The following PDSS1 variants were observed in gnomAD, a reference collection of about 807,000 sequenced individuals.
PDSS1 encodes the protein all trans-polyprenyl-diphosphate synthase PDSS1.
A neutral mutation model predicts 57.5 loss-of-function variants in PDSS1; 43 were observed. The observed-to-expected ratio is 0.75, with a 90% confidence interval of 0.59 to 0.96. PDSS1 has a LOEUF of 0.96. Ranked by LOEUF, PDSS1 falls within the 50% of genes least tolerant of loss-of-function variation. PDSS1 has a pLI of 0.00. For synonymous variants in PDSS1, 175 were observed against 191.3 expected (o/e 0.91, Z 0.70); for missense variants, 438 against 527.8 (o/e 0.83, Z 1.67).
At chr10:26,736,021 A>G (rs1836385723) in intron 10 of PDSS1, among the ~76,000 whole-genome samples, 2 of 152,176 alleles carry the variant, frequency 1.3e-5, no homozygotes, top group Non-Finnish European at 2.9e-5. Flanking sequence ...AGCATAAGAA[A>G]TTCTCCGGTT....
chr10:26,740,341 C>A (rs1297307164), intron 10 of PDSS1, among the ~76,000 whole-genome samples: 1 of 152,004 alleles, frequency 6.6e-6, no homozygotes, highest in Non-Finnish European at 1.5e-5. Context: ...GGCTTTTTTA[C>A]CGTAGAAGTT....
intron 4 of PDSS1, among the ~76,000 whole-genome samples, chr10:26,707,210 C>T (rs539184658): frequency 6.6e-6 from 1 of 152,270 alleles, no homozygotes; most frequent in African/African-American, 2.4e-5. Context: ...ATACCAGTCC[C>T]AGTTTTCCTA....
intron 6 of PDSS1, among the ~76,000 whole-genome samples, chr10:26,721,423 TACACACAC>T (rs1554795596): frequency 1.3e-5 from 2 of 149,268 alleles, no homozygotes; most frequent in Non-Finnish European, 3.0e-5. Flanking sequence ...GATATATGTA[TACACACAC>T]ACACACACAC....
In PDSS1 at chr10:26,742,594, A is replaced by T. The variant is rs199894179; in HGVS notation, c.1107+17A>T. 8.5e-4 allele frequency: 1,270 copies of T among 1,494,672 alleles called. 2 individuals are homozygous for T. In the African/African-American group the frequency reaches 9.7e-3, roughly 11 times the overall value. The allele number at this position is 1,494,672 out of a possible 1,614,324, so 92.6% of individuals were successfully genotyped here. A position where few individuals can be genotyped will look rare whatever the true frequency, so the allele number is the denominator to read the frequency against. ...GTACTACAGGTAAGACTGTTTTTTT[A>T]AAAAAAAGGCAGCAGCAGGAACAAC... On this transcript the variant is annotated intron_variant, in intron 11 of 11. Coordinates refer to ENST00000376215, the MANE Select transcript of PDSS1 (RefSeq NM_014317.5).
rs1346212013 is a variant in PDSS1 at position 26,742,542 on chromosome 10, G to GGA, written c.1075_1076dup (p.Asp359GlufsTer3). 6.2e-7 allele frequency: 1 copy of GGA among 1,612,572 alleles called. No individual in the cohort carries two copies. The highest frequency in any genetic ancestry group is 2.2e-5 in the East Asian group (1 of 44,886). The stretch of plus-strand genomic sequence containing the variant: ...GATCATGCGACGGTTCAGTTTGCCT[G>GGA]GAGATGTAGACAGAGCTCGACAGTA... On this transcript the variant is annotated frameshift_variant, in exon 11 of 12. Coordinates refer to ENST00000376215, the MANE Select transcript of PDSS1 (RefSeq NM_014317.5). LOFTEE classifies it high-confidence loss of function.
chr10:26,709,142 G>T lies in PDSS1; in HGVS notation c.337-496G>T, dbSNP rs868609929. ...TTCAGGCCACTTGGGGCTGATCCAC[G>T]CATTGTTTATGTTCTAGCCTGCAGG... On this transcript the variant is annotated intron_variant, in intron 4 of 11. Coordinates refer to ENST00000376215, the MANE Select transcript of PDSS1 (RefSeq NM_014317.5). Among the ~76,000 whole-genome samples, 11 of 152,312 alleles carry T rather than the reference G, an allele frequency of 7.2e-5. No homozygotes were observed. The Middle Eastern group carries it at 0.01, about 141-fold the overall frequency.
At chr10:26,729,968 AGT>A (rs1257585797) in intron 8 of PDSS1, among the ~76,000 whole-genome samples, 2 of 128,856 alleles carry the variant, frequency 1.6e-5, no homozygotes, top group African/African-American at 5.9e-5. Flanking sequence ...GCCGGAGTGC[AGT>A]GGCACTATCT....
At chr10:26,733,046 C>G (rs1307646079) in intron 8 of PDSS1, among the ~76,000 whole-genome samples, 2 of 152,104 alleles carry the variant, frequency 1.3e-5, no homozygotes, top group Non-Finnish European at 2.9e-5. Context: ...CCAGATCGTG[C>G]CGCTGCACTC....
rs1231074655 is a variant in PDSS1 at position 26,709,768 on chromosome 10, G to C, written c.467G>C (p.Arg156Pro). 6.2e-7 allele frequency: 1 copy of C among 1,613,658 alleles called. No homozygotes were observed. Among genetic ancestry groups the C allele is most frequent in the African/African-American group, 1.3e-5 (1 of 74,864 alleles). ...TGCAATATTCATCATAACAACTCCC[G>C]GTGAGCTCTTTTTTTCATTCCTTTC... ...RACNIHHNNS[R>P]HVQASQRAIA... The change falls in exon 5 of 12, where the codon CGA becomes CCA. Residue 156 changes from arginine to proline, a missense_variant and splice_region_variant. By Grantham distance (103) the Arg-to-Pro change is moderately radical. Around this residue, in one of 2 missense-constraint regions of PDSS1, gnomAD observed 284 missense variants for 390.7 expected, o/e 0.73. Transcript: ENST00000376215.
At position 26,745,662 on chromosome 10, in the gene PDSS1, C is replaced by T. The variant is rs573260576; in HGVS notation, c.1108-671C>T. ...AGGAGTTCGAGACCAGCCTGGCCAA[C>T]ATGACAAAACCCCATCTCTACTAAA... On this transcript the variant is annotated intron_variant, in intron 11 of 11. Coordinates refer to ENST00000376215, the MANE Select transcript of PDSS1 (RefSeq NM_014317.5). Among the ~76,000 whole-genome samples the T allele has an allele frequency of 5.9e-5, 9 of 152,266 alleles. No individual in the cohort carries two copies. The South Asian group carries it at 1.9e-3, about 32-fold the overall frequency.
At chr10:26,722,821 G>A (rs1340889515) in intron 6 of PDSS1, among the ~76,000 whole-genome samples, 1 of 151,898 alleles carries the variant, frequency 6.6e-6, no homozygotes, top group Non-Finnish European at 1.5e-5. Flanking sequence ...ATAACTAGTT[G>A]CTAATACAGT....
At chr10:26,728,477 T>G (rs977026175) in intron 8 of PDSS1, among the ~76,000 whole-genome samples, 1 of 150,648 alleles carries the variant, frequency 6.6e-6, no homozygotes, top group Non-Finnish European at 1.5e-5. Flanking sequence ...GCAACAAGAG[T>G]GAAACTCCAT....
chr10:26,728,587 C>T (rs1386771134), intron 8 of PDSS1, among the ~76,000 whole-genome samples: 1 of 151,822 alleles, frequency 6.6e-6, no homozygotes, highest in East Asian at 1.9e-4. Context: ...AAATATTATT[C>T]TGATGGTTGT....
intron 6 of PDSS1, among the ~76,000 whole-genome samples, chr10:26,721,204 C>T (rs1443272495): frequency 6.6e-6 from 1 of 151,314 alleles, no homozygotes; most frequent in Non-Finnish European, 1.5e-5. Flanking sequence ...GAGGCTTAGG[C>T]AGGAGAATCG....
chr10:26,727,414 A>T (rs1835994403), intron 8 of PDSS1, among the ~76,000 whole-genome samples: 1 of 139,306 alleles, frequency 7.2e-6, no homozygotes, highest in African/African-American at 2.7e-5. Flanking sequence ...CTCTCTTCCT[A>T]TTACTTGATT....
At position 26,736,852 on chromosome 10, in the gene PDSS1, G is replaced by C. The variant is rs143232817; in HGVS notation, c.1026+1273G>C. 1.3e-5 allele frequency among the ~76,000 whole-genome samples: 2 copies of C among 152,272 alleles called. 1 individual carries two copies. Among genetic ancestry groups the C allele is most frequent in the Non-Finnish European group, 2.9e-5 (2 of 68,024 alleles). ...TTACTTGCCAGCCCAAAATCAAAGA[G>C]TATAATACATGTGCCCAGTTTTGAC... On this transcript the variant is annotated intron_variant, in intron 10 of 11. Transcript: ENST00000376215.
chr10:26,737,262 G>A (rs1250697940), intron 10 of PDSS1, among the ~76,000 whole-genome samples: 1 of 152,212 alleles, frequency 6.6e-6, no homozygotes, highest in Non-Finnish European at 1.5e-5. Context: ...ACCTTAAGGT[G>A]ACTGGGTGAG....
intron 10 of PDSS1, chr10:26,740,831 G>A (rs1836573441): frequency 2.7e-6 from 1 of 372,276 alleles, no homozygotes; most frequent in Non-Finnish European, 5.4e-6. Flanking sequence ...GCCAAACCAA[G>A]ACTAGAGTTC....
intron 5 of PDSS1, chr10:26,715,383 C>T (rs1161838216): frequency 4.0e-5 from 6 of 151,702 alleles, no homozygotes; most frequent in Non-Finnish European, 8.8e-5. Context: ...CTGATTCTGT[C>T]TGCAAAGGAA....
Sources: gnomAD v4.1 joint callset for allele counts (sites outside exome capture counted in the v4.1 genomes callset) on GRCh38, gnomAD v4.1.1 for gene constraint, gnomAD v4.1.1 regional missense constraint, MANE v1.5 for transcripts, NCBI Gene and HGNC (gene_info 2026-07-23, HGNC 2026-07-21) for gene names.